The following DOCK4 variants were observed in gnomAD, a reference collection of about 807,000 sequenced individuals.
DOCK4 encodes the protein dedicator of cytokinesis 4.
DOCK4 carries 97 observed loss-of-function variants against 268.1 expected under a neutral mutation model. The ratio of observed to expected loss-of-function variants is 0.36; its 90% CI spans 0.31 to 0.43. DOCK4 has a LOEUF of 0.43. DOCK4 is among the 20% of genes least tolerant of loss of function. The pLI, the probability that DOCK4 is intolerant of heterozygous loss-of-function variation, is 1.00. For missense variants in DOCK4, 2,145 were observed against 2,455.7 expected, an observed-to-expected ratio of 0.87 and a Z score of 2.67; for synonymous variants, 954 against 887.2, an observed-to-expected ratio of 1.08 and a Z score of -1.34.
At position 111,758,674 on chromosome 7, in the gene DOCK4, A is replaced by G. The variant is rs755393769; in HGVS notation, c.4279T>C (p.Tyr1427His). 3 of 1,614,014 alleles carry G rather than the reference A, an allele frequency of 1.9e-6. No homozygotes were observed. The highest frequency in any genetic ancestry group is 2.5e-6 in the Non-Finnish European group (3 of 1,179,888). The change falls in exon 41 of 53, where the codon TAT (tyrosine) becomes CAT (histidine). Residue 1427 changes from tyrosine (Y) to histidine (H), a missense_variant. Coordinates refer to ENST00000428084, the MANE Select transcript of DOCK4 (RefSeq NM_001363540.2). ...GTGCCTTTGTGAAATGGTCGGTCAT[A>G]GCGGAATTTCCAGATGTGATTCACT... The part of the protein sequence containing the change: ...YKVNHIWKFR[Y>H]DRPFHKGTKD...
chr7:112,023,723 G>C, intron 1 of DOCK4: 1 of 407,588 alleles, frequency 2.5e-6, no homozygotes, highest in South Asian at 1.8e-5. Flanking sequence ...CTGAAAGGGG[G>C]TGCATACCTT....
At chr7:111,914,054 C>T (rs1228682632) in intron 13 of DOCK4, among the ~76,000 whole-genome samples, 2 of 152,118 alleles carry the variant, frequency 1.3e-5, no homozygotes, top group African/African-American at 4.8e-5. Context: ...AGACCCTGCT[C>T]AGGTGTTACC....
intron 36 of DOCK4, among the ~76,000 whole-genome samples, chr7:111,771,673 A>G (rs1234960241): frequency 6.6e-6 from 1 of 152,132 alleles, no homozygotes; most frequent in African/African-American, 2.4e-5. Flanking sequence ...TTAATTCCCC[A>G]TGTATCATTA....
chr7:112,184,601 C>G lies in DOCK4; in HGVS notation c.37+21501G>C, dbSNP rs144918039. On this transcript the variant is annotated intron_variant, in intron 1 of 52. Transcript: ENST00000428084. Reference sequence around the variant, plus strand: ...GCTTCCAAGCAGGATGGCACTGACTCTCCTCATAAAAACCCCGGCCCTTGG... The same window carrying G: ...GCTTCCAAGCAGGATGGCACTGACTGTCCTCATAAAAACCCCGGCCCTTGG... Among the ~76,000 whole-genome samples the G allele has an allele frequency of 7.9e-5, 12 of 152,120 alleles. No homozygotes were observed. The East Asian group carries it at 2.1e-3, about 27-fold the overall frequency.
intron 1 of DOCK4, among the ~76,000 whole-genome samples, chr7:112,150,074 C>T (rs1347622006): frequency 6.6e-6 from 1 of 152,108 alleles, no homozygotes; most frequent in African/African-American, 2.4e-5. Flanking sequence ...AAAATATAGG[C>T]TTAGAGAAGT....
intron 49 of DOCK4, among the ~76,000 whole-genome samples, chr7:111,738,385 T>C (rs1490696473): frequency 2.0e-5 from 3 of 152,184 alleles, no homozygotes; most frequent in Admixed American, 6.5e-5. Flanking sequence ...TAGGAATCGA[T>C]TGCAGCTCTT....
rs58841550 is a variant in DOCK4 at position 111,994,871 on chromosome 7, A to G, written c.219-640T>C. ...CCGATATTTGAATATTCGTTCCAAA[A>G]TGTTCCTCTTTCTGATTAGAGTAAC... On this transcript the variant is annotated intron_variant, in intron 4 of 52. Coordinates refer to ENST00000428084, the MANE Select transcript of DOCK4 (RefSeq NM_001363540.2). 9.5e-3 allele frequency among the ~76,000 whole-genome samples: 1,441 copies of G among 152,250 alleles called. 26 individuals are homozygous for G. Among genetic ancestry groups the G allele is most frequent in the African/African-American group, 0.032 (1,321 of 41,552 alleles).
chr7:111,764,038 C>A (rs974176752), intron 39 of DOCK4, among the ~76,000 whole-genome samples: 1 of 152,118 alleles, frequency 6.6e-6, no homozygotes, highest in Non-Finnish European at 1.5e-5. Flanking sequence ...TAGGCAGGCC[C>A]ACCTGCAAAG....
rs369235784 is a variant in DOCK4, at chr7:111,949,184, T to G, written c.702-3386A>C. ...TTTGAGATGTAATGAGGTTTGAAGC[T>G]CCTCATTACCTCTACAGAAACATTC... On this transcript the variant is annotated intron_variant, in intron 8 of 52. Transcript: ENST00000428084. Among the ~76,000 whole-genome samples, 7 of 152,306 alleles carry G rather than the reference T, an allele frequency of 4.6e-5. No individual in the cohort carries two copies. In the East Asian group the frequency reaches 1.2e-3, roughly 25 times the overall value.
At chr7:112,099,543 G>C (rs1355449901) in intron 1 of DOCK4, among the ~76,000 whole-genome samples, 2 of 152,148 alleles carry the variant, frequency 1.3e-5, no homozygotes, top group African/African-American at 4.8e-5. Context: ...GGTCAGGAAG[G>C]GTAACAGTTC....
At chr7:111,831,753 C>T (rs1322631878) in intron 26 of DOCK4, among the ~76,000 whole-genome samples, 1 of 152,136 alleles carries the variant, frequency 6.6e-6, no homozygotes, top group Non-Finnish European at 1.5e-5. Flanking sequence ...TCCCAAAGTG[C>T]TCCCAAATTA....
At chr7:111,980,505 G>A (rs1323971274) in intron 7 of DOCK4, among the ~76,000 whole-genome samples, 1 of 152,130 alleles carries the variant, frequency 6.6e-6, no homozygotes, top group Non-Finnish European at 1.5e-5. Flanking sequence ...TTATTTAACT[G>A]ACTCAAATTT....
chr7:111,728,536 A>T lies in DOCK4; in HGVS notation c.5666T>A (p.Val1889Glu), dbSNP rs763519847. 1 of 1,613,732 alleles carries T rather than the reference A, an allele frequency of 6.2e-7. No homozygotes were observed. Among genetic ancestry groups the T allele is most frequent in the Non-Finnish European group, 8.5e-7 (1 of 1,179,808 alleles). ...GCCGTAGCTCGGCACGGGCACCGGC[A>T]CTGGCACCGGCAGGGGGGCCGACTG... ...NEQSAPLPVP[V>E]PVPVPSYGGE... Residue 1889 changes from valine (V) to glutamate (E), a missense_variant, in exon 53 of 53, where the codon GTG becomes GAG. By Grantham distance (121) the Val-to-Glu change is moderately radical (BLOSUM62 -2). Around this residue, in one of 2 missense-constraint regions of DOCK4, gnomAD observed 547 missense variants for 469.0 expected, o/e 1.17. Coordinates refer to ENST00000428084, the MANE Select transcript of DOCK4 (RefSeq NM_001363540.2).
intron 1 of DOCK4, among the ~76,000 whole-genome samples, chr7:112,112,303 C>T (rs548690029): frequency 6.6e-6 from 1 of 152,322 alleles, no homozygotes; most frequent in South Asian, 2.1e-4. Context: ...GCTCCCTCTT[C>T]ACCTTCCGCC....
intron 8 of DOCK4, among the ~76,000 whole-genome samples, chr7:111,969,476 A>C (rs1442017341): frequency 1.3e-5 from 2 of 151,876 alleles, no homozygotes; most frequent in African/African-American, 2.4e-5. Flanking sequence ...GACTCCTGTC[A>C]CATATGTCTG....
chr7:111,763,737 C>CTG (rs1797596925), intron 39 of DOCK4, among the ~76,000 whole-genome samples: 1 of 54,552 alleles, frequency 1.8e-5, no homozygotes, highest in Non-Finnish European at 6.7e-5. Flanking sequence ...AGACTGTCTG[C>CTG]TGCTCTGCTC....
At chr7:112,036,992 C>T (rs1803858003) in intron 1 of DOCK4, among the ~76,000 whole-genome samples, 1 of 152,068 alleles carries the variant, frequency 6.6e-6, no homozygotes, top group Non-Finnish European at 1.5e-5. Flanking sequence ...GATGTGAAAG[C>T]AATACACACT....
intron 26 of DOCK4, 149 bp downstream of exon 26, chr7:111,834,439 G>A (rs1231394291): frequency 8.2e-6 from 5 of 611,496 alleles, no homozygotes; most frequent in Non-Finnish European, 1.4e-5. Flanking sequence ...ATATAGATGA[G>A]CAGATCTGTG....
intron 8 of DOCK4, chr7:111,976,893 T>G (rs112729514): frequency 2.9e-6 from 1 of 345,000 alleles, no homozygotes; most frequent in African/African-American, 2.1e-5. Flanking sequence ...ATACTTCCAT[T>G]TAATATCAAT....
Sources: gnomAD v4.1 joint callset for allele counts (sites outside exome capture counted in the v4.1 genomes callset) on GRCh38, gnomAD v4.1.1 for gene constraint, gnomAD v4.1.1 regional missense constraint, MANE v1.5 for transcripts, NCBI Gene and HGNC (gene_info 2026-07-23, HGNC 2026-07-21) for gene names.